The following CACNB4 variants were observed in gnomAD, a reference collection of about 807,000 sequenced individuals.
CACNB4 encodes calcium voltage-gated channel auxiliary subunit beta 4.
In CACNB4, 32 loss-of-function variants were observed where a neutral mutation model predicts 71.2. The ratio of observed to expected loss-of-function variants is 0.45; its 90% CI spans 0.34 to 0.60. CACNB4 has a LOEUF of 0.60. Ranked by LOEUF, CACNB4 falls within the 20% of genes least tolerant of loss-of-function variation. The pLI, the probability that CACNB4 is intolerant of heterozygous loss-of-function variation, is 0.01. For missense variants in CACNB4, 464 were observed against 647.9 expected (o/e 0.72, Z 3.08); for synonymous variants, 231 against 236.9 (o/e 0.97, Z 0.23).
At chr2:151,925,693 G>A (rs2099860054) in intron 2 of CACNB4, among the ~76,000 whole-genome samples, 1 of 151,484 alleles carries the variant, frequency 6.6e-6, no homozygotes, top group African/African-American at 2.4e-5. Context: ...GAGGAGCAGG[G>A]AGGGGGTGGG....
chr2:151,885,905 T>C (rs1213089490), intron 2 of CACNB4, among the ~76,000 whole-genome samples: 1 of 152,170 alleles, frequency 6.6e-6, no homozygotes, highest in Non-Finnish European at 1.5e-5. Flanking sequence ...ATACACCTTT[T>C]GTCTGAGTTT....
chr2:151,916,060 G>A (rs544503354), intron 2 of CACNB4, among the ~76,000 whole-genome samples: 6 of 152,068 alleles, frequency 3.9e-5, no homozygotes, highest in Non-Finnish European at 7.4e-5. Context: ...CCTTCTCTCC[G>A]TGGGTCACGC....
chr2:151,943,685 G>A (rs958622780), intron 2 of CACNB4, among the ~76,000 whole-genome samples: 4 of 152,158 alleles, frequency 2.6e-5, no homozygotes, highest in Non-Finnish European at 5.9e-5. Flanking sequence ...CATATTAGGA[G>A]GAGCTCCACC....
intron 12 of CACNB4, among the ~76,000 whole-genome samples, chr2:151,843,955 T>C (rs1283632454): frequency 6.6e-6 from 1 of 152,216 alleles, no homozygotes; most frequent in Admixed American, 6.5e-5. Context: ...CATTTGGGGT[T>C]CTTGGAACAA....
Position 151,901,773 on chromosome 2 carries a change from GAA to G in CACNB4, c.148-18405_148-18404del, listed in dbSNP as rs1195942523. Among the ~76,000 whole-genome samples the G allele has an allele frequency of 3.3e-5, 5 of 152,140 alleles. No individual in the cohort carries two copies. In the East Asian group the frequency reaches 9.6e-4, roughly 29 times the overall value. On this transcript the variant is annotated intron_variant, in intron 2 of 13. Transcript: ENST00000539935. ...GGGTAGAGGTTGAGGCTTATATTGA[GAA>G]TGAGAATTTGAAAAACAAGCCTTTC...
Position 152,098,513 on chromosome 2 carries a change from TG to T in CACNB4, c.64-101del. On this transcript the variant is annotated intron_variant, in intron 1 of 13. Coordinates refer to ENST00000539935, the MANE Select transcript of CACNB4 (RefSeq NM_000726.5). The surrounding 1 kb of genome is among the most constrained non-coding windows in gnomAD (Gnocchi z 5.3). ...GGAGTCCGCCTCCGGACCCGCTCCC[TG>T]GGGTCCCCTAGAGCCCGCACCCAAG... The T allele has an allele frequency of 1.5e-6, 2 of 1,365,596 alleles. No homozygotes were observed. Among genetic ancestry groups the T allele is most frequent in the Non-Finnish European group, 2.1e-6 (2 of 958,060 alleles). The allele number at this position is 1,365,596 out of a possible 1,614,324, so 84.6% of individuals were successfully genotyped here.
chr2:152,029,996 T>C (rs527322196), intron 2 of CACNB4, among the ~76,000 whole-genome samples: 65 of 152,310 alleles, frequency 4.3e-4, no homozygotes, highest in African/African-American at 1.5e-3. Flanking sequence ...TGCATCATGA[T>C]AACAAGAAAA....
At chr2:152,025,304 T>C (rs926149018) in intron 2 of CACNB4, among the ~76,000 whole-genome samples, 2 of 152,190 alleles carry the variant, frequency 1.3e-5, no homozygotes, top group Non-Finnish European at 2.9e-5. Flanking sequence ...TTTTCTTTCC[T>C]GTCATAAAAA....
intron 9 of CACNB4, chr2:151,868,375 T>C (rs954464783): frequency 6.6e-6 from 1 of 152,232 alleles, no homozygotes; most frequent in African/African-American, 2.4e-5. Flanking sequence ...CCTACATTTC[T>C]GATAAATCTC....
chr2:151,917,781 G>A (rs994494269), intron 2 of CACNB4, among the ~76,000 whole-genome samples: 1 of 146,918 alleles, frequency 6.8e-6, no homozygotes, highest in Admixed American at 7.0e-5. Context: ...AGTGCAGTGA[G>A]CTGAGATTGC....
intron 12 of CACNB4, chr2:151,852,377 T>A (rs1275926636): frequency 6.6e-6 from 1 of 152,220 alleles, no homozygotes; most frequent in African/African-American, 2.4e-5. Flanking sequence ...ATTATGGGTC[T>A]ACTATGATAG....
intron 2 of CACNB4, among the ~76,000 whole-genome samples, chr2:151,991,312 T>C (rs987714933): frequency 6.6e-6 from 1 of 152,218 alleles, no homozygotes; most frequent in Non-Finnish European, 1.5e-5. Flanking sequence ...CAATAACATT[T>C]AATCCAAAAT....
chr2:151,981,793 A>C (rs1272401158), intron 2 of CACNB4, among the ~76,000 whole-genome samples: 1 of 152,196 alleles, frequency 6.6e-6, no homozygotes, highest in Non-Finnish European at 1.5e-5. Context: ...TATAATATAG[A>C]TAATCTTCAC....
At chr2:152,051,159 G>A (rs920825794) in intron 2 of CACNB4, among the ~76,000 whole-genome samples, 15 of 152,078 alleles carry the variant, frequency 9.9e-5, no homozygotes, top group Non-Finnish European at 2.1e-4. Flanking sequence ...CAGGTGACTG[G>A]TGAAGAAATT....
chr2:152,034,357 C>T (rs903057952), intron 2 of CACNB4, among the ~76,000 whole-genome samples: 3 of 152,162 alleles, frequency 2.0e-5, no homozygotes, highest in East Asian at 1.9e-4. Context: ...GAACTAAAAG[C>T]TCTTGAAGTC....
chr2:151,981,655 T>C (rs1402032515), intron 2 of CACNB4, among the ~76,000 whole-genome samples: 1 of 152,192 alleles, frequency 6.6e-6, no homozygotes, highest in Non-Finnish European at 1.5e-5. Context: ...CCAGAGCATG[T>C]ATCCCTTAAA....
intron 2 of CACNB4, among the ~76,000 whole-genome samples, chr2:152,025,158 T>C (rs558059085): frequency 3.4e-4 from 52 of 152,404 alleles, no homozygotes; most frequent in African/African-American, 1.2e-3. Context: ...TTGCAAATAC[T>C]AGCTTATCTA....
chr2:152,009,493 A>C (rs1021459869), intron 2 of CACNB4, among the ~76,000 whole-genome samples: 3 of 152,190 alleles, frequency 2.0e-5, no homozygotes, highest in African/African-American at 7.2e-5. Flanking sequence ...TAGTAAGGTA[A>C]GATGTTACTA....
chr2:151,877,609 C>G (rs2099846772), intron 4 of CACNB4, among the ~76,000 whole-genome samples: 1 of 152,208 alleles, frequency 6.6e-6, no homozygotes, highest in Admixed American at 6.5e-5. Context: ...GTGGTCTAAT[C>G]TCACTGGGGA....
Sources: allele counts gnomAD v4.1 joint callset (sites outside exome capture counted in the v4.1 genomes callset), GRCh38; gene constraint gnomAD v4.1.1; non-coding constraint Gnocchi (gnomAD v3.1); transcripts MANE v1.5; gene names NCBI Gene and HGNC (gene_info 2026-07-23, HGNC 2026-07-21).